ARHGAP23: variants seen among roughly 807,000 people sequenced by gnomAD.
The protein encoded by ARHGAP23 is rho GTPase-activating protein 23.
ARHGAP23 carries 34 observed loss-of-function variants against 136.3 expected under a neutral mutation model. The ratio of observed to expected loss-of-function variants is 0.25; its 90% confidence interval spans 0.19 to 0.33. The LOEUF is 0.33. Ranked by LOEUF, ARHGAP23 falls within the 10% of genes least tolerant of loss-of-function variation. ARHGAP23 has a pLI of 1.00. For missense variants in ARHGAP23, 1,808 were observed against 2,139.0 expected (o/e 0.85, Z 3.05); for synonymous variants, 832 against 920.5 (o/e 0.90, Z 1.74).
Position 38,510,809 on chromosome 17 carries a change from C to G in ARHGAP23, c.4313C>G (p.Ala1438Gly). 6.6e-7 allele frequency: 1 copy of G among 1,507,202 alleles called. No homozygotes were observed. The highest frequency in any genetic ancestry group is 1.2e-5 in the South Asian group (1 of 80,098). 93.4% of individuals were successfully genotyped at this position (1,507,202 alleles called of 1,614,324 possible). ...CCCCCGGAGCCTGCGGGCGCGCGGG[C>G]GCACAGTGACAACAAGGACTCCGGA... ...GGPPEPAGAR[A>G]HSDNKDSGLS... The change falls in exon 24 of 24, where the codon GCG (alanine) becomes GGG (glycine). Residue 1438 changes from alanine (A) to glycine (G), a missense_variant. Physicochemically the swap from Ala to Gly is moderately conservative, Grantham distance 60. This residue lies in a region of ARHGAP23 where 506 missense variants were observed against 455.8 expected (regional missense o/e 1.11). Transcript: ENST00000622683. The surrounding 1 kb of genome is among the most constrained non-coding windows in gnomAD (Gnocchi z 4.6).
intron 1 of ARHGAP23, among the ~76,000 whole-genome samples, chr17:38,438,774 G>A (rs1021579981): frequency 4.0e-5 from 6 of 151,796 alleles, no homozygotes; most frequent in Non-Finnish European, 7.4e-5. Flanking sequence ...ATCTGAGGTC[G>A]GGAGTTTGAG....
intron 10 of ARHGAP23, 53 bp downstream of exon 10, chr17:38,469,957 G>A (rs1456982113): frequency 2.7e-5 from 42 of 1,541,724 alleles, no homozygotes; most frequent in Non-Finnish European, 3.5e-5. Context: ...TGGGGAGAGA[G>A]GGTGTCAGGG....
intron 1 of ARHGAP23, among the ~76,000 whole-genome samples, chr17:38,438,978 C>A (rs532570771): frequency 6.6e-6 from 1 of 151,704 alleles, no homozygotes; most frequent in Non-Finnish European, 1.5e-5. Flanking sequence ...GAGCGAAACT[C>A]CATCTCAAAA....
At chr17:38,428,377 G>A, upstream of ARHGAP23, 1 of 378,870 alleles carries the variant, frequency 2.6e-6, no homozygotes, top group Non-Finnish European at 4.2e-6. Flanking sequence ...GCGGACCCCG[G>A]GGGGGGCCCC....
chr17:38,466,182 G>T lies in ARHGAP23; in HGVS notation c.499G>T (p.Ala167Ser), dbSNP rs1457663177. 4 of 1,507,146 alleles carry T rather than the reference G, an allele frequency of 2.7e-6. No homozygotes were observed. Among genetic ancestry groups the T allele is most frequent in the Non-Finnish European group, 1.8e-6 (2 of 1,120,974 alleles). The allele number at this position is 1,507,146 out of a possible 1,614,324, so 93.4% of individuals were successfully genotyped here. The change falls in exon 7 of 24, where the codon GCC becomes TCC. Residue 167 changes from alanine to serine, a missense_variant. Physicochemically the swap from Ala to Ser is moderately conservative, Grantham distance 99. Transcript: ENST00000622683. ...DILQLAYSQD[A>S]YLKGNEPYSG... ...CTCTGGCCAGGCCTACTCCCAGGATGCCTACCTGAAAGGGAACGAGCCGTA... is the reference window on the plus strand; with the variant it reads ...CTCTGGCCAGGCCTACTCCCAGGATTCCTACCTGAAAGGGAACGAGCCGTA...
intron 17 of ARHGAP23, among the ~76,000 whole-genome samples, chr17:38,488,929 G>A (rs1214204823): frequency 6.6e-6 from 1 of 151,976 alleles, no homozygotes; most frequent in African/African-American, 2.4e-5. Flanking sequence ...AGGCTGGAGT[G>A]CAGTGTTACG....
intron 6 of ARHGAP23, among the ~76,000 whole-genome samples, chr17:38,463,624 G>A (rs2039513179): frequency 6.6e-6 from 1 of 152,148 alleles, no homozygotes; most frequent in Admixed American, 6.5e-5. Context: ...AAGGAGGGTG[G>A]CCCAGCAGGC....
rs1393356827 is a variant in ARHGAP23 at position 38,500,422 on chromosome 17, C to T, written c.3416-175C>T. 1.8e-5 allele frequency: 11 copies of T among 609,498 alleles called. No homozygotes were observed. In the Admixed American group the frequency reaches 2.7e-4, roughly 15 times the overall value. 37.8% of individuals were successfully genotyped at this position (609,498 alleles called of 1,614,324 possible). A position where few individuals can be genotyped will look rare whatever the true frequency, so the allele number is the denominator to read the frequency against. ...AGTTAACATCATTTTCTCCTCCATC[C>T]CTCTCCCATAGATGGACATCAGATG... On this transcript the variant is annotated intron_variant, in intron 22 of 23. Transcript: ENST00000622683.
At position 38,494,579 on chromosome 17, in the gene ARHGAP23, A is replaced by C. The variant is rs193235202; in HGVS notation, c.3276+3047A>C. On this transcript the variant is annotated intron_variant, in intron 20 of 23. Coordinates refer to ENST00000622683, the MANE Select transcript of ARHGAP23 (RefSeq NM_001199417.2). ...ACCCTGACACACACACACACACACA[A>C]AAATCCATTAAAAAAATGATGCTTC... Among the ~76,000 whole-genome samples the C allele has an allele frequency of 6.6e-3, 1,006 of 152,050 alleles. 8 individuals carry two copies. The highest frequency in any genetic ancestry group is 0.01 in the Non-Finnish European group (689 of 67,956).
intron 6 of ARHGAP23, among the ~76,000 whole-genome samples, chr17:38,464,466 C>T (rs1347010298): frequency 1.3e-5 from 2 of 152,252 alleles, no homozygotes; most frequent in Non-Finnish European, 2.9e-5. Flanking sequence ...GTGCTGGCTT[C>T]TGCCTTGGAC....
chr17:38,463,640 C>T (rs2039513659), intron 6 of ARHGAP23, among the ~76,000 whole-genome samples: 1 of 152,132 alleles, frequency 6.6e-6, no homozygotes, highest in African/African-American at 2.4e-5. Flanking sequence ...CAGGCTCTGC[C>T]AGCCTGGCAC....
chr17:38,433,211 T>G (rs773216129), intron 1 of ARHGAP23, among the ~76,000 whole-genome samples: 4 of 152,290 alleles, frequency 2.6e-5, no homozygotes, highest in Non-Finnish European at 5.9e-5. Flanking sequence ...TCCTCCCACT[T>G]TGGCCTCCCA....
At chr17:38,428,092 C>G (rs78325721), upstream of ARHGAP23, among the ~76,000 whole-genome samples, 1 of 152,152 alleles carries the variant, frequency 6.6e-6, no homozygotes, top group African/African-American at 2.4e-5. Context: ...GCTTCCCTCT[C>G]CCTCCCTCCC....
At chr17:38,443,788 C>T (rs1353132064) in intron 1 of ARHGAP23, among the ~76,000 whole-genome samples, 5 of 152,140 alleles carry the variant, frequency 3.3e-5, no homozygotes, top group Admixed American at 2.0e-4. Context: ...GAGACCTGCC[C>T]TGGGAGGGGA....
rs756020444 is a variant in ARHGAP23, at chr17:38,467,138, C to T, written c.1455C>T (p.Arg485=). The change falls in exon 7 of 24, where the codon CGC becomes CGT. Residue 485 remains arginine (R), a synonymous_variant. Coordinates refer to ENST00000622683, the MANE Select transcript of ARHGAP23 (RefSeq NM_001199417.2). ...TRALEPPAED[R]GDEVVLRQKP... ...CCCTGGAGCCTCCTGCGGAGGATCGCGGCGATGAGGTGGTCCTGAGGCAGA... is the reference window on the plus strand; with the variant it reads ...CCCTGGAGCCTCCTGCGGAGGATCGTGGCGATGAGGTGGTCCTGAGGCAGA... The T allele has an allele frequency of 3.1e-5, 48 of 1,549,320 alleles. No individual in the cohort carries two copies. Among genetic ancestry groups the T allele is most frequent in the South Asian group, 8.3e-5 (7 of 83,986 alleles).
At chr17:38,458,045 A>G (rs754527859) in intron 1 of ARHGAP23, 57 bp from the exon 2 acceptor site, 132 of 1,529,168 alleles carry the variant, frequency 8.6e-5, no homozygotes, top group Non-Finnish European at 1.1e-4. Flanking sequence ...AGGTGGTGCA[A>G]ACAGCCAGAA....
intron 17 of ARHGAP23, among the ~76,000 whole-genome samples, chr17:38,489,341 G>A (rs1458358766): frequency 6.6e-6 from 1 of 152,124 alleles, no homozygotes; most frequent in East Asian, 1.9e-4. Context: ...TTGCATTTGT[G>A]TATTGTGAGC....
intron 23 of ARHGAP23, among the ~76,000 whole-genome samples, chr17:38,503,462 C>G (rs987278372): frequency 6.6e-6 from 1 of 152,234 alleles, no homozygotes; most frequent in African/African-American, 2.4e-5. Context: ...GGCCCCTTCT[C>G]GAGAGCCAGC....
chr17:38,511,380 C>G lies in ARHGAP23; in HGVS notation c.*408C>G, dbSNP rs1346015952. ...GATGCTGGCTTTTTGCTTCTTTCTTCTGCCCTCCCACCTCAGCTTGTAAGC... is the reference window on the plus strand; with the variant it reads ...GATGCTGGCTTTTTGCTTCTTTCTTGTGCCCTCCCACCTCAGCTTGTAAGC... On this transcript the variant is annotated 3_prime_UTR_variant, in exon 24 of 24. Transcript: ENST00000622683. 3 of 184,238 alleles carry G rather than the reference C, an allele frequency of 1.6e-5. No homozygotes were observed. Among genetic ancestry groups the G allele is most frequent in the Admixed American group, 6.2e-5 (1 of 16,060 alleles). 11.4% of individuals were successfully genotyped at this position (184,238 alleles called of 1,614,324 possible). A position where few individuals can be genotyped will look rare whatever the true frequency, so the allele number is the denominator to read the frequency against.
Sources: allele counts gnomAD v4.1 joint callset (sites outside exome capture counted in the v4.1 genomes callset), GRCh38; gene constraint gnomAD v4.1.1; regional missense constraint gnomAD v4.1.1; non-coding constraint Gnocchi (gnomAD v3.1); transcripts MANE v1.5; gene names NCBI Gene and HGNC (gene_info 2026-07-23, HGNC 2026-07-21).